The following ERGIC3 variants were observed in gnomAD, a reference collection of about 807,000 sequenced individuals.
ERGIC3 encodes the protein endoplasmic reticulum-Golgi intermediate compartment protein 3.
Under a neutral mutation model 54.7 loss-of-function variants are expected in ERGIC3, and 33 were observed. The observed-to-expected ratio is 0.60, with a 90% CI of 0.46 to 0.81. ERGIC3 has a LOEUF of 0.81. Ranked by LOEUF, ERGIC3 falls within the 30% of genes least tolerant of loss-of-function variation. The pLI, the probability that ERGIC3 is intolerant of heterozygous loss-of-function variation, is 0.00. For missense variants in ERGIC3, 399 were observed against 488.4 expected, an observed-to-expected ratio of 0.82 and a Z score of 1.73; for synonymous variants, 186 against 189.8, an observed-to-expected ratio of 0.98 and a Z score of 0.16.
In ERGIC3 at chr20:35,550,471, C is replaced by T. The variant is rs559866467; in HGVS notation, c.685+1606C>T. On this transcript the variant is annotated intron_variant, in intron 7 of 12. Transcript: ENST00000348547. The stretch of plus-strand genomic sequence containing the variant: ...TCTCTACCAAAAATACAAAAATTAG[C>T]TGGGTGTGGTGGCACACGCCTGTAA... Among the ~76,000 whole-genome samples the T allele has an allele frequency of 1.4e-4, 21 of 152,182 alleles. 1 individual carries two copies. The South Asian group carries it at 4.4e-3, about 32-fold the overall frequency.
At chr20:35,557,382 A>G (rs754642468) in intron 12 of ERGIC3, 43 bp from the exon 13 acceptor site, 4 of 1,610,422 alleles carry the variant, frequency 2.5e-6, no homozygotes, top group East Asian at 2.2e-5. Flanking sequence ...GTCAAAAGCC[A>G]AGGCCCCCAC....
chr20:35,554,590 T>C (rs1217079735), intron 7 of ERGIC3, among the ~76,000 whole-genome samples: 2 of 152,204 alleles, frequency 1.3e-5, no homozygotes. Context: ...AATAAATTGT[T>C]CTGGAACAGT....
chr20:35,556,332 A>C, intron 10 of ERGIC3, 61 bp downstream of exon 10: 2 of 1,572,872 alleles, frequency 1.3e-6, no homozygotes, highest in Non-Finnish European at 1.7e-6. Context: ...GAGTTCCTGC[A>C]TTTCGTTCCG....
intron 5 of ERGIC3, 109 bp downstream of exon 5, chr20:35,547,614 G>A: frequency 1.1e-6 from 1 of 928,924 alleles, no homozygotes; most frequent in Admixed American, 2.0e-5. Context: ...AGAATCTAGA[G>A]TGGGCGGGGT....
At chr20:35,547,269 A>G (rs1247518122) in intron 4 of ERGIC3, 143 bp from the exon 5 acceptor site, 5 of 635,918 alleles carry the variant, frequency 7.9e-6, no homozygotes, top group East Asian at 2.8e-5. Context: ...GAAGTGCTTA[A>G]TGCCTGACCC....
At position 35,542,092 on chromosome 20, in the gene ERGIC3, G is replaced by T. The variant is rs2064614241; in HGVS notation, c.-6G>T. On this transcript the variant is annotated 5_prime_UTR_variant, in exon 1 of 13. Coordinates refer to ENST00000348547, the MANE Select transcript of ERGIC3 (RefSeq NM_015966.3). ...CCGGCTGGCGTCCCCTTTCCGGCCG[G>T]TCCCCATGGAGGCGCTGGGGAAGCT... 2 of 1,531,714 alleles carry T rather than the reference G, an allele frequency of 1.3e-6. No homozygotes were observed. Among genetic ancestry groups the T allele is most frequent in the Admixed American group, 4.2e-5 (2 of 47,300 alleles). 94.9% of individuals were successfully genotyped at this position (1,531,714 alleles called of 1,614,324 possible).
intron 7 of ERGIC3, chr20:35,554,827 G>C (rs2064702412): frequency 4.7e-6 from 3 of 633,230 alleles, no homozygotes; most frequent in Non-Finnish European, 8.5e-6. Context: ...AGGAACCAGG[G>C]TCTGTTCTAA....
In ERGIC3 at chr20:35,542,903, A is replaced by T; in HGVS notation, c.329A>T (p.Lys110Ile). Residue 110 changes from lysine to isoleucine, a missense_variant, in exon 4 of 13, where the codon AAA becomes ATA. Lys to Ile is a moderately radical substitution (Grantham distance 102). Transcript: ENST00000348547. ...AACCTGTTCAAGCAACGACTAGATA[A>T]AGATGGCATCCCCGTGAGCTCAGAG... ...EHNLFKQRLD[K>I]DGIPVSSEAE... 2 of 1,614,172 alleles carry T rather than the reference A, an allele frequency of 1.2e-6. No individual in the cohort carries two copies.
Position 35,542,124 on chromosome 20 carries a change from G to T in ERGIC3, c.27G>T (p.Gln9His). Residue 9 changes from glutamine to histidine, a missense_variant, in exon 1 of 13, where the codon CAG becomes CAT. Gln to His is a conservative substitution (Grantham distance 24, BLOSUM62 0). Coordinates refer to ENST00000348547, the MANE Select transcript of ERGIC3 (RefSeq NM_015966.3). ...TGGAGGCGCTGGGGAAGCTGAAGCA[G>T]TTCGATGCCTACCCCAAGACTTTGG... The part of the protein sequence containing the change: MEALGKLK[Q>H]FDAYPKTLED... 1.9e-6 allele frequency: 3 copies of T among 1,563,954 alleles called. No homozygotes were observed. The highest frequency in any genetic ancestry group is 2.6e-6 in the Non-Finnish European group (3 of 1,155,456).
intron 4 of ERGIC3, chr20:35,543,180 A>G (rs2064627490): frequency 4.3e-6 from 2 of 464,244 alleles, no homozygotes; most frequent in African/African-American, 4.0e-5. Flanking sequence ...ATACCTGCAG[A>G]TGGTAGTTTG....
At chr20:35,551,186 C>G (rs1052569110) in intron 7 of ERGIC3, among the ~76,000 whole-genome samples, 3 of 151,810 alleles carry the variant, frequency 2.0e-5, no homozygotes, top group Admixed American at 2.0e-4. Flanking sequence ...CCCAGCTACT[C>G]GGGAGGCTGA....
intron 9 of ERGIC3, 29 bp downstream of exon 9, chr20:35,556,158 G>A (rs760432531): frequency 7.4e-6 from 12 of 1,614,092 alleles, no homozygotes; most frequent in Admixed American, 1.7e-5. Flanking sequence ...GCCCCCAGCC[G>A]CAGAAGGCCG....
At chr20:35,557,394 G>A in intron 12 of ERGIC3, 31 bp from the exon 13 acceptor site, 1 of 1,612,154 alleles carries the variant, frequency 6.2e-7, no homozygotes, top group South Asian at 1.1e-5. Flanking sequence ...GGCCCCCACT[G>A]GGCCAGTGCC....
intron 7 of ERGIC3, chr20:35,549,263 G>A (rs2064669166): frequency 2.1e-6 from 1 of 471,536 alleles, no homozygotes; most frequent in Non-Finnish European, 4.4e-6. Flanking sequence ...TGTGCATGAG[G>A]CTTTGGGAGA....
intron 3 of ERGIC3, 81 bp from the exon 4 acceptor site, chr20:35,542,741 C>T (rs1190796473): frequency 1.2e-6 from 2 of 1,610,460 alleles, no homozygotes; most frequent in African/African-American, 1.3e-5. Flanking sequence ...CAAGACAGGC[C>T]CAGTATCCCC....
At chr20:35,547,086 C>G (rs2064652611) in intron 4 of ERGIC3, among the ~76,000 whole-genome samples, 1 of 152,144 alleles carries the variant, frequency 6.6e-6, no homozygotes, top group Admixed American at 6.5e-5. Flanking sequence ...CAGTGAGCCT[C>G]AACATCTTCT....
chr20:35,542,499 T>G lies in ERGIC3; in HGVS notation c.160-14T>G, dbSNP rs1372347522. 4.3e-6 allele frequency: 7 copies of G among 1,613,744 alleles called. No individual in the cohort carries two copies. The highest frequency in any genetic ancestry group is 1.3e-5 in the African/African-American group (1 of 74,860). The stretch of plus-strand genomic sequence containing the variant: ...GGTTTGGGGCTAAGTCTTACTGAGG[T>G]AGCGCTGCCCCAGGTGCATCCTGAG... On this transcript the variant is annotated splice_polypyrimidine_tract_variant and intron_variant, in intron 2 of 12. Coordinates refer to ENST00000348547, the MANE Select transcript of ERGIC3 (RefSeq NM_015966.3).
intron 4 of ERGIC3, chr20:35,544,461 A>T: frequency 3.2e-6 from 1 of 313,184 alleles, no homozygotes; most frequent in South Asian, 3.1e-5. Flanking sequence ...TTTCCTCATG[A>T]TGGCTGGGAC....
Position 35,547,464 on chromosome 20 carries a change from T to A in ERGIC3, c.420T>A (p.Asp140Glu), listed in dbSNP as rs750520078. The stretch of plus-strand genomic sequence containing the variant: ...TTGACCCTGACTCCCTGGACCCTGA[T>A]CGCTGTGAGAGCTGCTATGGTGCTG... ...TVFDPDSLDP[D>E]RCESCYGAEA... The change falls in exon 5 of 13, where the codon GAT (aspartate) becomes GAA (glutamate). Residue 140 changes from aspartate (D) to glutamate (E), a missense_variant. Transcript: ENST00000348547. 3 of 1,614,116 alleles carry A rather than the reference T, an allele frequency of 1.9e-6. No individual in the cohort carries two copies. The South Asian group carries it at 3.3e-5, about 18-fold the overall frequency.
Sources: gnomAD v4.1 joint callset for allele counts (sites outside exome capture counted in the v4.1 genomes callset) on GRCh38, gnomAD v4.1.1 for gene constraint, MANE v1.5 for transcripts, NCBI Gene and HGNC (gene_info 2026-07-23, HGNC 2026-07-21) for gene names.